The following PTPRR variants were observed in gnomAD, a reference collection of about 807,000 sequenced individuals.
The protein encoded by PTPRR is receptor-type tyrosine-protein phosphatase R.
Under a neutral mutation model 77.2 loss-of-function variants are expected in PTPRR, and 38 were observed. The ratio of observed to expected loss-of-function variants is 0.49; its 90% CI spans 0.38 to 0.65. The LOEUF (loss-of-function observed/expected upper bound fraction) is 0.65. Ranked by LOEUF, PTPRR falls within the 30% of genes least tolerant of loss-of-function variation. The pLI, the probability that PTPRR is intolerant of heterozygous loss-of-function variation, is 0.00. For synonymous variants in PTPRR, 299 were observed against 283.1 expected (o/e 1.06, Z -0.57); for missense variants, 744 against 799.2 (o/e 0.93, Z 0.83).
chr12:70,914,789 C>T (rs573014850), intron 1 of PTPRR, among the ~76,000 whole-genome samples: 2 of 152,098 alleles, frequency 1.3e-5, no homozygotes, highest in Admixed American at 6.6e-5. Context: ...CACCACTGCA[C>T]TCAAGCTTGG....
At chr12:70,813,254 G>A (rs867733039) in intron 2 of PTPRR, among the ~76,000 whole-genome samples, 1 of 152,200 alleles carries the variant, frequency 6.6e-6, no homozygotes, top group Non-Finnish European at 1.5e-5. Flanking sequence ...GCAATGTATA[G>A]TAAAATGTTA....
intron 8 of PTPRR, among the ~76,000 whole-genome samples, chr12:70,689,865 T>C (rs1565649009): frequency 6.6e-6 from 1 of 152,202 alleles, no homozygotes; most frequent in Non-Finnish European, 1.5e-5. Context: ...ATCCCTGTCT[T>C]TCTTTAGCAA....
chr12:70,785,605 A>G (rs1030606927), intron 2 of PTPRR, among the ~76,000 whole-genome samples: 1 of 152,238 alleles, frequency 6.6e-6, no homozygotes, highest in African/African-American at 2.4e-5. Context: ...TAAAGCTTCC[A>G]TAAAATATAA....
chr12:70,727,245 A>G (rs1049393089), intron 6 of PTPRR, among the ~76,000 whole-genome samples: 12 of 152,028 alleles, frequency 7.9e-5, no homozygotes. Context: ...TCTCTCAGCA[A>G]AATAAAACAC....
intron 13 of PTPRR, among the ~76,000 whole-genome samples, chr12:70,653,617 G>A (rs768103973): frequency 3.3e-5 from 5 of 152,102 alleles, no homozygotes; most frequent in African/African-American, 4.8e-5. Context: ...TCCTTGCTAC[G>A]TATAGTGATA....
At chr12:70,663,657 A>G (rs189418631) in intron 10 of PTPRR, among the ~76,000 whole-genome samples, 1 of 152,298 alleles carries the variant, frequency 6.6e-6, no homozygotes, top group East Asian at 1.9e-4. Flanking sequence ...CTGTAAAATA[A>G]CTATTTTTTA....
At position 70,892,718 on chromosome 12, in the gene PTPRR, C is replaced by T. The variant is rs770615631; in HGVS notation, c.318G>A (p.Val106=). ...TTGCTGCTGGGATTGGGAGATTTTC[C>T]ACTTCAAGATCTTGACCATCCATGG... ...LLAMDGQDLE[V]ENLPIPAANV... The change falls in exon 2 of 14, where the codon GTG becomes GTA. Residue 106 remains valine (V), a synonymous_variant. Coordinates refer to ENST00000283228, the MANE Select transcript of PTPRR (RefSeq NM_002849.4). 5.6e-6 allele frequency: 9 copies of T among 1,613,292 alleles called. No homozygotes were observed. Among genetic ancestry groups the T allele is most frequent in the Admixed American group, 1.7e-5 (1 of 59,954 alleles).
intron 6 of PTPRR, among the ~76,000 whole-genome samples, chr12:70,733,402 T>TA (rs1184216052): frequency 2.7e-4 from 10 of 36,940 alleles, no homozygotes; most frequent in East Asian, 1.2e-3. Flanking sequence ...GACGCTGTCA[T>TA]AAAAAAAATA....
chr12:70,918,159 T>G (rs375331451), intron 1 of PTPRR, among the ~76,000 whole-genome samples: 1 of 152,206 alleles, frequency 6.6e-6, no homozygotes, highest in South Asian at 2.1e-4. Context: ...TTAGTTCTGA[T>G]GAAAAGCCCT....
In PTPRR at chr12:70,666,935, G is replaced by GTTTTTTTTTTTTTTTT. The variant is rs142691396; in HGVS notation, c.1498-4346_1498-4331dup. On this transcript the variant is annotated intron_variant, in intron 10 of 13. Transcript: ENST00000283228. Reference sequence around the variant, plus strand: ...TTTTTGATTAACTGTGTGTTTTTCTGTTTTTTTTTTTTTTTTTTTTTTTTT... The same window carrying GTTTTTTTTTTTTTTTT: ...TTTTTGATTAACTGTGTGTTTTTCTGTTTTTTTTTTTTTTTTTTTTTTTTTTTTTTTTTTTTTTTTT... Among the ~76,000 whole-genome samples, 5 of 29,050 alleles carry GTTTTTTTTTTTTTTTT rather than the reference G, an allele frequency of 1.7e-4. 2 individuals are homozygous for GTTTTTTTTTTTTTTTT. Among genetic ancestry groups the GTTTTTTTTTTTTTTTT allele is most frequent in the Non-Finnish European group, 4.6e-4 (5 of 10,902 alleles). The allele number at this position is 29,050 out of a possible 152,430, so 19.1% of individuals were successfully genotyped here.
At chr12:70,683,765 A>G (rs1303296522) in intron 10 of PTPRR, among the ~76,000 whole-genome samples, 2 of 152,156 alleles carry the variant, frequency 1.3e-5, no homozygotes, top group African/African-American at 2.4e-5. Flanking sequence ...TTTGTTTACT[A>G]TTGTATCCCC....
At chr12:70,793,113 G>A (rs963921123) in intron 2 of PTPRR, among the ~76,000 whole-genome samples, 30 of 152,146 alleles carry the variant, frequency 2.0e-4, no homozygotes, top group African/African-American at 7.2e-4. Flanking sequence ...AATTTGCAAG[G>A]AAAATTTTTA....
At chr12:70,806,676 C>T (rs780316220) in intron 2 of PTPRR, among the ~76,000 whole-genome samples, 3 of 152,138 alleles carry the variant, frequency 2.0e-5, no homozygotes, top group South Asian at 2.1e-4. Flanking sequence ...TCAGACATGC[C>T]GTGCCATTTT....
Position 70,754,300 on chromosome 12 carries a change from T to C in PTPRR, c.629A>G (p.Lys210Arg), listed in dbSNP as rs141302586. 5.5e-4 allele frequency: 882 copies of C among 1,613,230 alleles called. No individual in the cohort carries two copies. The highest frequency in any genetic ancestry group is 6.8e-4 in the Non-Finnish European group (808 of 1,179,676). ...QFGITEVSPE[K>R]NVLQGQHEAD... ...TTCATGCTGCCCTTGTAAAACATTT[T>C]TCTTTAAAAGCAAAACAGAAAGTCC... is the stretch of plus-strand genomic sequence containing the variant. Residue 210 changes from lysine to arginine, a missense_variant and splice_region_variant, in exon 5 of 14, where the codon AAA becomes AGA. By Grantham distance (26) the Lys-to-Arg change is conservative (BLOSUM62 2). This residue lies in a region of PTPRR where 570 missense variants were observed against 573.2 expected (regional missense o/e 0.99). Coordinates refer to ENST00000283228, the MANE Select transcript of PTPRR (RefSeq NM_002849.4).
intron 2 of PTPRR, among the ~76,000 whole-genome samples, chr12:70,867,186 C>A (rs1892868325): frequency 6.6e-6 from 1 of 151,370 alleles, no homozygotes; most frequent in Non-Finnish European, 1.5e-5. Flanking sequence ...GAAGTTCTGG[C>A]CAGGGCAATT....
At chr12:70,703,952 GA>G (rs1565656108) in intron 6 of PTPRR, among the ~76,000 whole-genome samples, 1 of 152,084 alleles carries the variant, frequency 6.6e-6, no homozygotes, top group African/African-American at 2.4e-5. Flanking sequence ...TAGAGTTAAA[GA>G]ATCTGGTAGG....
In PTPRR at chr12:70,841,127, G is replaced by A. The variant is rs1892389858; in HGVS notation, c.357+51552C>T. Among the ~76,000 whole-genome samples, 4 of 151,954 alleles carry A rather than the reference G, an allele frequency of 2.6e-5. No homozygotes were observed. The South Asian group carries it at 8.3e-4, about 32-fold the overall frequency. On this transcript the variant is annotated intron_variant, in intron 2 of 13. Coordinates refer to ENST00000283228, the MANE Select transcript of PTPRR (RefSeq NM_002849.4). ...CTGCCCCAGAAAAGCCATATGGTCA[G>A]AAATTCCATTCCAGCTCATACTACT...
At chr12:70,707,916 G>A (rs913983063) in intron 6 of PTPRR, among the ~76,000 whole-genome samples, 4 of 151,946 alleles carry the variant, frequency 2.6e-5, no homozygotes, top group Non-Finnish European at 4.4e-5. Context: ...CCCTTTTGAC[G>A]TAAGATGCTT....
In PTPRR at chr12:70,684,176, T is replaced by A. The variant is rs752929554; in HGVS notation, c.1448A>T (p.Glu483Val). The A allele has an allele frequency of 6.2e-7, 1 of 1,614,124 alleles. No individual in the cohort carries two copies. Among genetic ancestry groups the A allele is most frequent in the South Asian group, 1.1e-5 (1 of 91,076 alleles). ...GATCATAACAATCACAGGGCTGTCT[T>A]CCTGCCAAACCATCTGCCAGAAATC... is the stretch of plus-strand genomic sequence containing the variant. ...VDDFWQMVWQ[E>V]DSPVIVMITK... Residue 483 changes from glutamate (E) to valine (V), a missense_variant, in exon 10 of 14, where the codon GAA (glutamate) becomes GTA (valine). This residue lies in a region of PTPRR where 170 missense variants were observed against 209.8 expected (regional missense o/e 0.81). Transcript: ENST00000283228.
Sources: gnomAD v4.1 joint callset for allele counts (sites outside exome capture counted in the v4.1 genomes callset) on GRCh38, gnomAD v4.1.1 for gene constraint, gnomAD v4.1.1 regional missense constraint, MANE v1.5 for transcripts, NCBI Gene and HGNC (gene_info 2026-07-23, HGNC 2026-07-21) for gene names.